GALNT13: variants seen among roughly 807,000 people sequenced by gnomAD.
GALNT13 encodes the protein UDP-GalNAc:polypeptide N-acetylgalactosaminyltransferase 13.
In GALNT13, 28 loss-of-function variants were observed where a neutral mutation model predicts 64.2. That is an observed-to-expected ratio of 0.44 (90% CI 0.32 to 0.60). GALNT13 has a LOEUF of 0.60. Ranked by LOEUF, GALNT13 falls within the 20% of genes least tolerant of loss-of-function variation. GALNT13 has a pLI of 0.05. For synonymous variants in GALNT13, 214 were observed against 224.6 expected (o/e 0.95, Z 0.42); for missense variants, 577 against 669.8 (o/e 0.86, Z 1.53).
the GALNT13 span, among the ~76,000 whole-genome samples, chr2:153,551,909 A>T: frequency 6.6e-6 from 1 of 152,274 alleles, no homozygotes; most frequent in African/African-American, 2.4e-5. Flanking sequence ...TGTAGACAGG[A>T]AAGAAGAGTG....
chr2:154,235,420 T>C (rs1689143221), intron 4 of GALNT13, among the ~76,000 whole-genome samples: 1 of 152,160 alleles, frequency 6.6e-6, no homozygotes, highest in African/African-American at 2.4e-5. Flanking sequence ...TGCTCAATTA[T>C]TATGAAACAA....
At chr2:153,115,016 C>T in the GALNT13 span, among the ~76,000 whole-genome samples, 2 of 152,168 alleles carry the variant, frequency 1.3e-5, no homozygotes, top group Non-Finnish European at 2.9e-5. Context: ...ATACCTACCT[C>T]ATGGGCTTCT....
At chr2:153,822,122 C>A in the GALNT13 span, among the ~76,000 whole-genome samples, 2 of 152,144 alleles carry the variant, frequency 1.3e-5, no homozygotes, top group African/African-American at 4.8e-5. Flanking sequence ...AGCTCTGGAC[C>A]AGATGGATTC....
intron 3 of GALNT13, among the ~76,000 whole-genome samples, chr2:154,133,580 A>ATC (rs1558977228): frequency 2.4e-5 from 3 of 123,576 alleles, no homozygotes; most frequent in African/African-American, 1.0e-4. Context: ...ATATATATAT[A>ATC]TATATCTGAG....
chr2:154,085,128 GA>G (rs1307402738), intron 3 of GALNT13, among the ~76,000 whole-genome samples: 1 of 151,910 alleles, frequency 6.6e-6, no homozygotes, highest in Admixed American at 6.6e-5. Flanking sequence ...GCCTGCCCAT[GA>G]AATCGAAATA....
At chr2:153,546,337 T>G in the GALNT13 span, among the ~76,000 whole-genome samples, 1 of 152,240 alleles carries the variant, frequency 6.6e-6, no homozygotes, top group Non-Finnish European at 1.5e-5. Context: ...TCTGTACTTT[T>G]AAAATCATTT....
At chr2:153,365,354 C>T in the GALNT13 span, among the ~76,000 whole-genome samples, 2 of 152,088 alleles carry the variant, frequency 1.3e-5, no homozygotes, top group Non-Finnish European at 2.9e-5. Flanking sequence ...GAGTAAAACA[C>T]CAAAAACAAT....
the GALNT13 span, among the ~76,000 whole-genome samples, chr2:153,255,711 G>T: frequency 6.6e-6 from 1 of 152,034 alleles, no homozygotes; most frequent in Non-Finnish European, 1.5e-5. Flanking sequence ...TATTTTATTT[G>T]TCCTTCACTT....
intron 8 of GALNT13, among the ~76,000 whole-genome samples, chr2:154,278,482 A>T (rs969911221): frequency 1.3e-5 from 2 of 152,182 alleles, no homozygotes; most frequent in Non-Finnish European, 2.9e-5. Context: ...AAGGAATTAA[A>T]TGGGTGTATG....
At chr2:154,412,354 C>A (rs1699830626) in intron 11 of GALNT13, among the ~76,000 whole-genome samples, 1 of 151,448 alleles carries the variant, frequency 6.6e-6, no homozygotes, top group South Asian at 2.1e-4. Flanking sequence ...TCAGAATTAC[C>A]CTCCCTGGTT....
At chr2:153,417,902 A>G in the GALNT13 span, among the ~76,000 whole-genome samples, 9 of 152,210 alleles carry the variant, frequency 5.9e-5, no homozygotes, top group Admixed American at 2.6e-4. Context: ...GTAACAGTTA[A>G]CACGAGGAAT....
intron 4 of GALNT13, among the ~76,000 whole-genome samples, chr2:154,233,576 T>A (rs1689040844): frequency 6.6e-6 from 1 of 152,162 alleles, no homozygotes; most frequent in Non-Finnish European, 1.5e-5. Context: ...GTGTGGTTGC[T>A]GGAAGTCTCA....
chr2:154,089,467 G>A (rs146683639), intron 3 of GALNT13, among the ~76,000 whole-genome samples: 1 of 151,814 alleles, frequency 6.6e-6, no homozygotes, highest in Non-Finnish European at 1.5e-5. Flanking sequence ...CCATAGAAGT[G>A]GGGGGTCAGA....
At chr2:154,015,055 AT>A (rs1269535897) in intron 3 of GALNT13, among the ~76,000 whole-genome samples, 1 of 152,254 alleles carries the variant, frequency 6.6e-6, no homozygotes, top group East Asian at 1.9e-4. Flanking sequence ...CTTCTGAAAA[AT>A]ATGTATCCAT....
Position 154,149,643 on chromosome 2 carries a change from G to A in GALNT13, c.311+9138G>A, listed in dbSNP as rs538406333. 7.7e-4 allele frequency among the ~76,000 whole-genome samples: 117 copies of A among 152,100 alleles called. 1 individual carries two copies. Among genetic ancestry groups the A allele is most frequent in the Middle Eastern group, 6.8e-3 (2 of 294 alleles). On this transcript the variant is annotated intron_variant, in intron 4 of 12. Transcript: ENST00000392825. ...GGTTCTCCTTGAAGAGGTCCTTCAC[G>A]TCCCTTGTAAGTTGGATTCCTAGGT... is the stretch of plus-strand genomic sequence containing the variant.
At chr2:153,724,888 G>T in the GALNT13 span, among the ~76,000 whole-genome samples, 1 of 151,252 alleles carries the variant, frequency 6.6e-6, no homozygotes, top group East Asian at 1.9e-4. Flanking sequence ...CATTGTGGAA[G>T]TCAGTGTGGC....
chr2:153,821,838 A>AT, the GALNT13 span, among the ~76,000 whole-genome samples: 3 of 152,200 alleles, frequency 2.0e-5, no homozygotes, highest in Non-Finnish European at 4.4e-5. Flanking sequence ...ACCACAATCT[A>AT]AAGTAACCAT....
chr2:153,505,690 TC>T, the GALNT13 span, among the ~76,000 whole-genome samples: 1 of 152,170 alleles, frequency 6.6e-6, no homozygotes, highest in Non-Finnish European at 1.5e-5. Context: ...GGAGTTAATT[TC>T]CAATTTTATT....
At chr2:154,341,735 C>T (rs968475952) in intron 9 of GALNT13, among the ~76,000 whole-genome samples, 2 of 151,932 alleles carry the variant, frequency 1.3e-5, no homozygotes, top group Admixed American at 1.3e-4. Flanking sequence ...AAAGGAGTGA[C>T]ATGATGTAAC....
Sources: allele counts gnomAD v4.1 joint callset (sites outside exome capture counted in the v4.1 genomes callset), GRCh38; gene constraint gnomAD v4.1.1; transcripts MANE v1.5; gene names NCBI Gene and HGNC (gene_info 2026-07-23, HGNC 2026-07-21).